ATP11A: variants seen among roughly 807,000 people sequenced by gnomAD.
ATP11A encodes the protein ATPase phospholipid transporting 11A.
ATP11A carries 81 observed loss-of-function variants against 154.4 expected under a neutral mutation model. The observed-to-expected ratio is 0.52, with a 90% CI of 0.44 to 0.63. The LOEUF (loss-of-function observed/expected upper bound fraction) is 0.63, where lower values mean the gene tolerates loss of function less well. ATP11A is among the 30% of genes least tolerant of loss of function. ATP11A has a pLI of 0.00. For synonymous variants in ATP11A, 623 were observed against 585.9 expected, an observed-to-expected ratio of 1.06 and a Z score of -0.91; for missense variants, 1,316 against 1,474.3, an observed-to-expected ratio of 0.89 and a Z score of 1.76.
chr13:112,695,717 C>T (rs1456442722), intron 1 of ATP11A, among the ~76,000 whole-genome samples: 1 of 152,138 alleles, frequency 6.6e-6, no homozygotes, highest in Non-Finnish European at 1.5e-5. Context: ...CACATGAAAT[C>T]CTCTATTTAC....
chr13:112,809,831 G>A (rs1395925778), intron 4 of ATP11A, among the ~76,000 whole-genome samples: 3 of 152,288 alleles, frequency 2.0e-5, no homozygotes, highest in African/African-American at 4.8e-5. Context: ...TCCTATTGTC[G>A]CTTCTTTCAA....
At chr13:112,821,980 C>G (rs562768894) in intron 8 of ATP11A, among the ~76,000 whole-genome samples, 3 of 152,272 alleles carry the variant, frequency 2.0e-5, no homozygotes, top group Admixed American at 1.3e-4. Flanking sequence ...AGCCCTCAGC[C>G]GCAGCCTGGG....
chr13:112,878,393 C>G, intron 29 of ATP11A, 90 bp downstream of exon 29: 3 of 1,427,812 alleles, frequency 2.1e-6, no homozygotes, highest in Non-Finnish European at 2.9e-6. Flanking sequence ...TCCACGTGCT[C>G]TGACGCAGCG....
chr13:112,860,334 C>T lies in ATP11A; in HGVS notation c.2775C>T (p.Thr925=). The change falls in exon 24 of 30, where the codon ACC becomes ACT. Residue 925 remains threonine (T), a synonymous_variant. Transcript: ENST00000375645. ...TGACCCTCTACAACATCAGCTTCAC[C>T]TCCCTCCCCATCCTCCTGTACAGCC... ...AYLTLYNISF[T]SLPILLYSLM... 2 of 1,614,186 alleles carry T rather than the reference C, an allele frequency of 1.2e-6. No homozygotes were observed. The highest frequency in any genetic ancestry group is 1.7e-6 in the Non-Finnish European group (2 of 1,180,034).
At chr13:112,836,793 A>G (rs963222933) in intron 16 of ATP11A, among the ~76,000 whole-genome samples, 3 of 152,246 alleles carry the variant, frequency 2.0e-5, no homozygotes, top group Admixed American at 2.0e-4. Flanking sequence ...GGGCACAGTC[A>G]GAGCCCTGTG....
intron 1 of ATP11A, among the ~76,000 whole-genome samples, chr13:112,704,987 C>G (rs891432638): frequency 6.6e-6 from 1 of 152,192 alleles, no homozygotes; most frequent in Non-Finnish European, 1.5e-5. Context: ...TTCTCCTTCA[C>G]TTTCCGATAA....
rs2080953688 is a variant in ATP11A at position 112,885,149 on chromosome 13, A to AT, written c.*3284dup. The AT allele has an allele frequency of 6.6e-6, 1 of 152,236 alleles. No homozygotes were observed. The highest frequency in any genetic ancestry group is 1.5e-5 in the Non-Finnish European group (1 of 68,062). The allele number at this position is 152,236 out of a possible 1,614,324, so 9.4% of individuals were successfully genotyped here. A position where few individuals can be genotyped will look rare whatever the true frequency, so the allele number is the denominator to read the frequency against. ...ACATGCAGAACATGCACGTGTACACATACCACAGACACGCGTGTGCATGCT... is the reference window on the plus strand; with the variant it reads ...ACATGCAGAACATGCACGTGTACACATTACCACAGACACGCGTGTGCATGCT... On this transcript the variant is annotated 3_prime_UTR_variant, in exon 30 of 30. Transcript: ENST00000375645.
rs1432037726 is a variant in ATP11A, at chr13:112,838,187, G to A, written c.1705+1936G>A. On this transcript the variant is annotated intron_variant, in intron 16 of 29. Coordinates refer to ENST00000375645, the MANE Select transcript of ATP11A (RefSeq NM_015205.3). This position sits in a 1 kb window ranked among gnomAD's most constrained non-coding sequence, Gnocchi z 7.3. ...AGGTTCAGATGCGCGAGACTTCTGT[G>A]TGTCAGAACCCTTCCCCCCGGCTCG... Among the ~76,000 whole-genome samples, 1 of 152,196 alleles carries A rather than the reference G, an allele frequency of 6.6e-6. No individual in the cohort carries two copies. Among genetic ancestry groups the A allele is most frequent in the African/African-American group, 2.4e-5 (1 of 41,460 alleles).
At chr13:112,854,608 C>A in intron 19 of ATP11A, 78 bp downstream of exon 19, 2 of 1,496,372 alleles carry the variant, frequency 1.3e-6, no homozygotes, top group South Asian at 2.5e-5. Context: ...ACCTGCAAGT[C>A]GGGGAGCCGC....
intron 1 of ATP11A, among the ~76,000 whole-genome samples, chr13:112,770,106 T>G (rs1174132478): frequency 6.6e-6 from 1 of 152,206 alleles, no homozygotes; most frequent in Non-Finnish European, 1.5e-5. Context: ...GTGTCTCGAC[T>G]CTTAGGAAGC....
In ATP11A at chr13:112,810,741, A is replaced by C. The variant is rs113116128; in HGVS notation, c.441+15A>C. On this transcript the variant is annotated intron_variant, in intron 5 of 29. Coordinates refer to ENST00000375645, the MANE Select transcript of ATP11A (RefSeq NM_015205.3). ...GAAAGCTGCGAGTAAGTGACACCCGACACATTTACGCTGGTGAAGTCCAGT... is the reference window on the plus strand; with the variant it reads ...GAAAGCTGCGAGTAAGTGACACCCGCCACATTTACGCTGGTGAAGTCCAGT... 1.7e-5 allele frequency: 27 copies of C among 1,610,466 alleles called. 1 individual carries two copies. Among genetic ancestry groups the C allele is most frequent in the African/African-American group, 1.2e-4 (9 of 74,978 alleles).
At position 112,883,244 on chromosome 13, in the gene ATP11A, C is replaced by G. The variant is rs1363553627; in HGVS notation, c.*1378C>G. 5 of 398,622 alleles carry G rather than the reference C, an allele frequency of 1.3e-5. No individual in the cohort carries two copies. The highest frequency in any genetic ancestry group is 2.2e-5 in the Non-Finnish European group (5 of 226,158). 24.7% of individuals were successfully genotyped at this position (398,622 alleles called of 1,614,324 possible). ...GCGCTGCTCTGGGTGGGTTAGCAAC[C>G]CCAGGGCTGCTGTGATAGGAAGTCC... On this transcript the variant is annotated 3_prime_UTR_variant, in exon 30 of 30. Coordinates refer to ENST00000375645, the MANE Select transcript of ATP11A (RefSeq NM_015205.3).
chr13:112,775,388 G>C (rs1000385527), intron 1 of ATP11A, among the ~76,000 whole-genome samples: 1 of 152,202 alleles, frequency 6.6e-6, no homozygotes, highest in African/African-American at 2.4e-5. Context: ...GGCTTCCACA[G>C]TCGGGGGGCC....
chr13:112,764,867 C>T (rs975859211), intron 1 of ATP11A, among the ~76,000 whole-genome samples: 4 of 152,088 alleles, frequency 2.6e-5, no homozygotes, highest in Admixed American at 6.5e-5. Flanking sequence ...ATAGTGACAC[C>T]CTCTGACCAT....
At chr13:112,880,722 G>A (rs1221452613) in intron 29 of ATP11A, 2 of 1,213,302 alleles carry the variant, frequency 1.6e-6, no homozygotes, top group Admixed American at 2.8e-5. Context: ...AAGTTGTGCT[G>A]TGCTGTGCTG....
Position 112,882,035 on chromosome 13 carries a change from C to A in ATP11A, c.*169C>A. On this transcript the variant is annotated 3_prime_UTR_variant, in exon 30 of 30. Transcript: ENST00000375645. The surrounding 1 kb of genome is among the most constrained non-coding windows in gnomAD (Gnocchi z 5.1). ...CAGTTCCATCCCAAGTCACAGCTGC[C>A]CTAGGTCCCGTGTGGGAATGCTCGT... 1 of 1,367,754 alleles carries A rather than the reference C, an allele frequency of 7.3e-7. No homozygotes were observed. Among genetic ancestry groups the A allele is most frequent in the Non-Finnish European group, 9.8e-7 (1 of 1,021,966 alleles). 84.7% of individuals were successfully genotyped at this position (1,367,754 alleles called of 1,614,324 possible).
In ATP11A at chr13:112,800,662, C is replaced by T. The variant is rs1401492278; in HGVS notation, c.163-4295C>T. ...AATTCGTTCTATGAGGCCAGCATTACCCTAAAACCAAAACCAGAAAAAGAT... is the reference window on the plus strand; with the variant it reads ...AATTCGTTCTATGAGGCCAGCATTATCCTAAAACCAAAACCAGAAAAAGAT... On this transcript the variant is annotated intron_variant, in intron 2 of 29. Coordinates refer to ENST00000375645, the MANE Select transcript of ATP11A (RefSeq NM_015205.3). 2.6e-5 allele frequency among the ~76,000 whole-genome samples: 4 copies of T among 152,086 alleles called. No homozygotes were observed. In the East Asian group the frequency reaches 5.8e-4, roughly 22 times the overall value.
chr13:112,770,081 C>T (rs117994086), intron 1 of ATP11A, among the ~76,000 whole-genome samples: 4 of 152,316 alleles, frequency 2.6e-5, no homozygotes, highest in Non-Finnish European at 4.4e-5. Context: ...CTTTGGTCAC[C>T]GGCTCTTTTC....
chr13:112,808,896 C>T (rs1439318195), intron 4 of ATP11A, among the ~76,000 whole-genome samples: 3 of 152,212 alleles, frequency 2.0e-5, no homozygotes, highest in Admixed American at 1.3e-4. Flanking sequence ...CCCAGCCAGG[C>T]TGGCTGGTGG....
Sources: allele counts gnomAD v4.1 joint callset (sites outside exome capture counted in the v4.1 genomes callset), GRCh38; gene constraint gnomAD v4.1.1; non-coding constraint Gnocchi (gnomAD v3.1); transcripts MANE v1.5; gene names NCBI Gene and HGNC (gene_info 2026-07-23, HGNC 2026-07-21).